GBE1: variants seen among roughly 807,000 people sequenced by gnomAD.
The protein encoded by GBE1 is 1,4-alpha-glucan branching enzyme 1.
A neutral mutation model predicts 88.8 loss-of-function variants in GBE1; 70 were observed. The ratio of observed to expected loss-of-function variants is 0.79; its 90% CI spans 0.65 to 0.96. The LOEUF is 0.96. Among genes scored for constraint, GBE1 ranks in the 40% least tolerant of loss-of-function variants. The pLI is 0.00. For synonymous variants in GBE1, 284 were observed against 300.1 expected, an observed-to-expected ratio of 0.95 and a Z score of 0.56; for missense variants, 872 against 871.0, an observed-to-expected ratio of 1.00 and a Z score of -0.01.
Position 81,750,644 on chromosome 3 carries a change from T to TGTATATATATATGTATATATATATAC in GBE1, c.143+10730_143+10731insGTATATATATATACATATATATATAC, listed in dbSNP as rs1559708839. Among the ~76,000 whole-genome samples, 3 of 50,916 alleles carry TGTATATATATATGTATATATATATAC rather than the reference T, an allele frequency of 5.9e-5. 1 individual carries two copies. The highest frequency in any genetic ancestry group is 2.9e-4 in the African/African-American group (2 of 6,860). The allele number at this position is 50,916 out of a possible 152,430, so 33.4% of individuals were successfully genotyped here. A position where few individuals can be genotyped will look rare whatever the true frequency, so the allele number is the denominator to read the frequency against. On this transcript the variant is annotated intron_variant, in intron 1 of 15. Transcript: ENST00000429644. ...ATATATATATACGTATATATATATA[T>TGTATATATATATGTATATATATATAC]GTATATATATATATGTATATATATA...
At chr3:81,531,271 C>G (rs1703008155) in intron 14 of GBE1, among the ~76,000 whole-genome samples, 1 of 151,934 alleles carries the variant, frequency 6.6e-6, no homozygotes, top group Non-Finnish European at 1.5e-5. Flanking sequence ...CAGCTAGGAG[C>G]TAAGGCCTAA....
chr3:81,512,171 C>A (rs1324153514), intron 14 of GBE1, among the ~76,000 whole-genome samples: 1 of 151,746 alleles, frequency 6.6e-6, no homozygotes, highest in Non-Finnish European at 1.5e-5. Context: ...AAGATGGAAA[C>A]AATAGATACT....
At chr3:81,649,095 G>A (rs1704809357) in intron 4 of GBE1, 104 bp from the exon 5 acceptor site, 3 of 769,156 alleles carry the variant, frequency 3.9e-6, no homozygotes, top group South Asian at 4.0e-5. Context: ...CAAACACTTG[G>A]AACTATTCTC....
chr3:81,644,024 T>C (rs1197252700), intron 6 of GBE1, among the ~76,000 whole-genome samples: 1 of 152,126 alleles, frequency 6.6e-6, no homozygotes, highest in Non-Finnish European at 1.5e-5. Flanking sequence ...ATTGAACATG[T>C]TCAATAATAA....
At chr3:81,713,425 G>T (rs1705898819) in intron 1 of GBE1, among the ~76,000 whole-genome samples, 1 of 152,148 alleles carries the variant, frequency 6.6e-6, no homozygotes, top group East Asian at 1.9e-4. Context: ...AAGATTGTCT[G>T]CAATCAGATA....
intron 9 of GBE1, among the ~76,000 whole-genome samples, chr3:81,588,102 TC>T (rs1018234294): frequency 1.1e-5 from 1 of 86,982 alleles, no homozygotes; most frequent in African/African-American, 7.9e-5. Context: ...GTCAAATGCT[TC>T]TTTTTTTTTT....
intron 2 of GBE1, among the ~76,000 whole-genome samples, chr3:81,701,983 CAA>C (rs767544382): frequency 1.3e-5 from 1 of 78,450 alleles, no homozygotes. Flanking sequence ...TCAGTAGGCA[CAA>C]AAAAAAAAAA....
At chr3:81,682,147 A>C (rs1232910723) in intron 2 of GBE1, among the ~76,000 whole-genome samples, 1 of 152,220 alleles carries the variant, frequency 6.6e-6, no homozygotes, top group Admixed American at 6.5e-5. Flanking sequence ...CAAGATGTAC[A>C]AATGGACAAT....
Position 81,581,165 on chromosome 3 carries a change from C to A in GBE1, c.1446G>T (p.Gln482His). ...TGAATTTATGCACATATTCATTTAC[C>A]TGATCATGGCTCTCTGCATAAGCAA... ...KCIAYAESHD[Q>H]ALVGDKSLAF... Residue 482 changes from glutamine (Q) to histidine (H), a missense_variant and splice_region_variant, in exon 11 of 16, where the codon CAG becomes CAT. Transcript: ENST00000429644. 1 of 1,577,700 alleles carries A rather than the reference C, an allele frequency of 6.3e-7. No homozygotes were observed. The highest frequency in any genetic ancestry group is 8.7e-7 in the Non-Finnish European group (1 of 1,151,056).
chr3:81,527,067 A>T (rs1395563373), intron 14 of GBE1, among the ~76,000 whole-genome samples: 1 of 152,086 alleles, frequency 6.6e-6, no homozygotes, highest in South Asian at 2.1e-4. Context: ...ATAATGCCGC[A>T]TATCTACAAC....
chr3:81,648,032 T>A (rs1255152617), intron 5 of GBE1, among the ~76,000 whole-genome samples: 1 of 152,058 alleles, frequency 6.6e-6, no homozygotes, highest in Non-Finnish European at 1.5e-5. Flanking sequence ...TTATAATTAA[T>A]ACTAAATACT....
chr3:81,527,199 C>G (rs558311769), intron 14 of GBE1, among the ~76,000 whole-genome samples: 2 of 152,104 alleles, frequency 1.3e-5, no homozygotes, highest in Non-Finnish European at 2.9e-5. Context: ...CCCTTCCTTA[C>G]GCCTTATATT....
At chr3:81,601,153 T>C (rs1704028160) in intron 7 of GBE1, among the ~76,000 whole-genome samples, 1 of 152,048 alleles carries the variant, frequency 6.6e-6, no homozygotes, top group Non-Finnish European at 1.5e-5. Flanking sequence ...TGATATTATA[T>C]AGAAAAGAAA....
At chr3:81,495,522 C>A (rs1689010830) in intron 15 of GBE1, among the ~76,000 whole-genome samples, 1 of 152,108 alleles carries the variant, frequency 6.6e-6, no homozygotes, top group African/African-American at 2.4e-5. Context: ...TTAGTTTTCA[C>A]ATACATGCTT....
intron 7 of GBE1, among the ~76,000 whole-genome samples, chr3:81,631,399 CA>C (rs1704506374): frequency 6.6e-6 from 1 of 151,978 alleles, no homozygotes; most frequent in South Asian, 2.1e-4. Context: ...CATTAAAACA[CA>C]GTAGACCGGT....
intron 7 of GBE1, among the ~76,000 whole-genome samples, chr3:81,616,539 A>G (rs963354792): frequency 6.6e-6 from 1 of 152,068 alleles, no homozygotes; most frequent in African/African-American, 2.4e-5. Context: ...TGGGTTGTCT[A>G]TTCTGTTCCA....
At chr3:81,708,255 G>C (rs1705806099) in intron 1 of GBE1, among the ~76,000 whole-genome samples, 1 of 151,974 alleles carries the variant, frequency 6.6e-6, no homozygotes, top group Non-Finnish European at 1.5e-5. Context: ...ATAAGGAAAG[G>C]ATGGCTTATT....
chr3:81,528,636 T>G (rs1431166826), intron 14 of GBE1, among the ~76,000 whole-genome samples: 1 of 152,000 alleles, frequency 6.6e-6, no homozygotes, highest in Admixed American at 6.6e-5. Flanking sequence ...TCTAATAATA[T>G]TTGCTTTATA....
At chr3:81,756,734 A>G (rs1399675544) in intron 1 of GBE1, among the ~76,000 whole-genome samples, 2 of 151,968 alleles carry the variant, frequency 1.3e-5, no homozygotes, top group Non-Finnish European at 2.9e-5. Flanking sequence ...TATAGGAACT[A>G]TCCTAAGGTA....
Sources: allele counts gnomAD v4.1 joint callset (sites outside exome capture counted in the v4.1 genomes callset), GRCh38; gene constraint gnomAD v4.1.1; transcripts MANE v1.5; gene names NCBI Gene and HGNC (gene_info 2026-07-23, HGNC 2026-07-21).